The following DCK variants were observed in gnomAD, a reference collection of about 807,000 sequenced individuals.
DCK encodes the protein deoxycytidine kinase, also known as deoxyadenosine kinase.
Under a neutral mutation model 38.3 loss-of-function variants are expected in DCK, and 23 were observed. The ratio of observed to expected loss-of-function variants is 0.60; its 90% CI spans 0.43 to 0.85. The LOEUF (loss-of-function observed/expected upper bound fraction) is 0.85, where lower values mean the gene tolerates loss of function less well. Among genes scored for constraint, DCK ranks in the 40% least tolerant of loss-of-function variants. DCK has a pLI of 0.00. For missense variants in DCK, 259 were observed against 304.4 expected, an observed-to-expected ratio of 0.85 and a Z score of 1.11; for synonymous variants, 108 against 100.6, an observed-to-expected ratio of 1.07 and a Z score of -0.44.
intron 4 of DCK, among the ~76,000 whole-genome samples, chr4:71,024,610 T>C (rs1205702663): frequency 3.3e-5 from 5 of 152,192 alleles, no homozygotes; most frequent in African/African-American, 9.6e-5. Context: ...TTCCAACGGA[T>C]GATTTTGTTC....
chr4:71,029,455 T>TG lies in DCK; in HGVS notation c.*77_*78insG. ...GTATCTTCGTAACTTCATATTAATATAAGTTTCTTTAGAAAACCCAAGTTT... is the reference window on the plus strand; with the variant it reads ...GTATCTTCGTAACTTCATATTAATATGAAGTTTCTTTAGAAAACCCAAGTTT... On this transcript the variant is annotated 3_prime_UTR_variant, in exon 7 of 7. Transcript: ENST00000286648. The TG allele has an allele frequency of 9.3e-7, 1 of 1,080,280 alleles. No individual in the cohort carries two copies. The highest frequency in any genetic ancestry group is 1.4e-6 in the Non-Finnish European group (1 of 723,782). 66.9% of individuals were successfully genotyped at this position (1,080,280 alleles called of 1,614,324 possible).
chr4:70,995,569 ACT>A lies in DCK; in HGVS notation c.91+1646_91+1647del, dbSNP rs145889479. On this transcript the variant is annotated intron_variant, in intron 1 of 6. Coordinates refer to ENST00000286648, the MANE Select transcript of DCK (RefSeq NM_000788.3). ...ACTCTAGCCTGGGTGACAGAGCAAG[ACT>A]CTGTTAAAAACACAGAAACAAAACA... Among the ~76,000 whole-genome samples, 742 of 152,104 alleles carry A rather than the reference ACT, an allele frequency of 4.9e-3. 11 individuals are homozygous for A. Among genetic ancestry groups the A allele is most frequent in the African/African-American group, 0.017 (715 of 41,442 alleles).
chr4:71,022,316 C>A, intron 2 of DCK, 51 bp from the exon 3 acceptor site: 1 of 979,508 alleles, frequency 1.0e-6, no homozygotes, highest in Non-Finnish European at 1.5e-6. Flanking sequence ...TTAAAATAGC[C>A]CTATTGACCA....
rs2148921300 is a variant in DCK, at chr4:71,030,678, A to C, written c.*1300A>C. The C allele has an allele frequency of 6.6e-6, 1 of 152,284 alleles. No homozygotes were observed. Among genetic ancestry groups the C allele is most frequent in the East Asian group, 1.9e-4 (1 of 5,192 alleles). 9.4% of individuals were successfully genotyped at this position (152,284 alleles called of 1,614,324 possible). On this transcript the variant is annotated 3_prime_UTR_variant, in exon 7 of 7. Coordinates refer to ENST00000286648, the MANE Select transcript of DCK (RefSeq NM_000788.3). ...CTACAGTGGAGCTACACTCATTGAA[A>C]TGTAATTTCAGTTCTAAAAAGATGT...
rs200970510 is a variant in DCK, at chr4:70,993,964, G to T, written c.91+38G>T. 10 of 1,460,730 alleles carry T rather than the reference G, an allele frequency of 6.8e-6. No homozygotes were observed. The East Asian group carries it at 1.4e-4, about 20-fold the overall frequency. The allele number at this position is 1,460,730 out of a possible 1,614,324, so 90.5% of individuals were successfully genotyped here. On this transcript the variant is annotated intron_variant, in intron 1 of 6. Coordinates refer to ENST00000286648, the MANE Select transcript of DCK (RefSeq NM_000788.3). Reference sequence around the variant, plus strand: ...CGGAAATGTGGGACGCAAGGCTGGGGTGTCGCGGCAGTGGCTGAAGCTTCC... The same window carrying T: ...CGGAAATGTGGGACGCAAGGCTGGGTTGTCGCGGCAGTGGCTGAAGCTTCC...
At position 71,022,391 on chromosome 4, in the gene DCK, G is replaced by A; in HGVS notation, c.232G>A (p.Gly78Ser). 1 of 1,529,990 alleles carries A rather than the reference G, an allele frequency of 6.5e-7. No individual in the cohort carries two copies. The highest frequency in any genetic ancestry group is 8.8e-7 in the Non-Finnish European group (1 of 1,140,758). 94.8% of individuals were successfully genotyped at this position (1,529,990 alleles called of 1,614,324 possible). Reference protein sequence around the residue: ...FEELTMSQKNGGNVLQMMYEK... With the variant: ...FEELTMSQKNSGNVLQMMYEK... The stretch of plus-strand genomic sequence containing the variant: ...GGAACTTACAATGTCTCAGAAAAAT[G>A]GTGGGAATGTTCTTCAGATGATGTA... The change falls in exon 3 of 7, where the codon GGT becomes AGT. Residue 78 changes from glycine (G) to serine (S), a missense_variant. This residue lies in a region of DCK where 159 missense variants were observed against 159.0 expected (regional missense o/e 1.00). Transcript: ENST00000286648.
intron 2 of DCK, among the ~76,000 whole-genome samples, chr4:71,004,533 TTTAAGTCTGCTG>T (rs1278346436): frequency 4.6e-5 from 7 of 152,210 alleles, no homozygotes; most frequent in African/African-American, 7.2e-5. Flanking sequence ...GGCAGGATTG[TTTAAGTCTGCTG>T]AGGCTGCACT....
chr4:71,029,220 T>A, intron 6 of DCK, 132 bp from the exon 7 acceptor site: 1 of 531,120 alleles, frequency 1.9e-6, no homozygotes, highest in Non-Finnish European at 3.3e-6. Flanking sequence ...GGAAAGTAAA[T>A]GCAATGGCAT....
At chr4:71,013,688 C>A (rs973498740) in intron 2 of DCK, among the ~76,000 whole-genome samples, 12 of 152,130 alleles carry the variant, frequency 7.9e-5, no homozygotes, top group South Asian at 2.1e-4. Context: ...GAAATAAAAT[C>A]CTTTACAGAC....
At chr4:71,029,266 A>G (rs1740627756) in intron 6 of DCK, 86 bp from the exon 7 acceptor site, 1 of 861,534 alleles carries the variant, frequency 1.2e-6, no homozygotes, top group Non-Finnish European at 1.8e-6. Flanking sequence ...GTCTTCAACT[A>G]TTATATACTT....
Position 71,029,416 on chromosome 4 carries a change from T to C in DCK, c.*38T>C. 6.5e-7 allele frequency: 1 copy of C among 1,527,098 alleles called. No homozygotes were observed. The highest frequency in any genetic ancestry group is 1.1e-5 in the South Asian group (1 of 88,366). 94.6% of individuals were successfully genotyped at this position (1,527,098 alleles called of 1,614,324 possible). ...CTACAGGCAGCCAAATGGTTCCAGATACTTCAGCTTTGTGTATCTTCGTAA... is the reference window on the plus strand; with the variant it reads ...CTACAGGCAGCCAAATGGTTCCAGACACTTCAGCTTTGTGTATCTTCGTAA... On this transcript the variant is annotated 3_prime_UTR_variant, in exon 7 of 7. Coordinates refer to ENST00000286648, the MANE Select transcript of DCK (RefSeq NM_000788.3).
intron 2 of DCK, chr4:71,006,404 T>C (rs1446741249): frequency 2.8e-6 from 1 of 362,338 alleles, no homozygotes; most frequent in Non-Finnish European, 3.8e-6. Flanking sequence ...AGATTTTCGT[T>C]TCTGGAGAAA....
chr4:71,011,277 C>G (rs1338112743), intron 2 of DCK, among the ~76,000 whole-genome samples: 1 of 148,222 alleles, frequency 6.7e-6, no homozygotes, highest in Non-Finnish European at 1.5e-5. Context: ...CTTGCTCTGT[C>G]CCTTAGTAAG....
intron 4 of DCK, among the ~76,000 whole-genome samples, chr4:71,024,817 T>TA (rs1740508976): frequency 6.6e-6 from 1 of 152,230 alleles, no homozygotes; most frequent in South Asian, 2.1e-4. Flanking sequence ...TAGTCACTAT[T>TA]AAGCTAGAAT....
chr4:71,003,809 T>C (rs1191328373), intron 2 of DCK, among the ~76,000 whole-genome samples: 1 of 152,212 alleles, frequency 6.6e-6, no homozygotes. Flanking sequence ...CTCCATCAGG[T>C]CATTTATGTT....
At chr4:71,018,973 G>T (rs1740342352) in intron 2 of DCK, among the ~76,000 whole-genome samples, 2 of 152,094 alleles carry the variant, frequency 1.3e-5, no homozygotes, top group Middle Eastern at 6.8e-3. Context: ...CACCTGGCTG[G>T]ATAAATTTTT....
chr4:71,017,882 A>G (rs1011256921), intron 2 of DCK, among the ~76,000 whole-genome samples: 1 of 152,120 alleles, frequency 6.6e-6, no homozygotes, highest in African/African-American at 2.4e-5. Flanking sequence ...TACATATGTA[A>G]CAAACCTGCA....
At chr4:71,022,610 C>T in intron 3 of DCK, 50 bp downstream of exon 3, 1 of 1,091,218 alleles carries the variant, frequency 9.2e-7, no homozygotes, top group Non-Finnish European at 1.2e-6. Context: ...TATCTTAGAA[C>T]TGGACTTTTT....
At position 71,029,418 on chromosome 4, in the gene DCK, CT is replaced by C; in HGVS notation, c.*42del. 1 of 1,520,880 alleles carries C rather than the reference CT, an allele frequency of 6.6e-7. No individual in the cohort carries two copies. Among genetic ancestry groups the C allele is most frequent in the South Asian group, 1.1e-5 (1 of 88,018 alleles). The allele number at this position is 1,520,880 out of a possible 1,614,324, so 94.2% of individuals were successfully genotyped here. On this transcript the variant is annotated 3_prime_UTR_variant, in exon 7 of 7. Coordinates refer to ENST00000286648, the MANE Select transcript of DCK (RefSeq NM_000788.3). ...ACAGGCAGCCAAATGGTTCCAGATA[CT>C]TCAGCTTTGTGTATCTTCGTAACTT...
Sources: gnomAD v4.1 joint callset for allele counts (sites outside exome capture counted in the v4.1 genomes callset) on GRCh38, gnomAD v4.1.1 for gene constraint, gnomAD v4.1.1 regional missense constraint, MANE v1.5 for transcripts, NCBI Gene and HGNC (gene_info 2026-07-23, HGNC 2026-07-21) for gene names.